Variants in CSMD3 observed in about 807,000 individuals in gnomAD.
CSMD3 encodes the protein CUB and Sushi multiple domains 3, also known as CUB and sushi domain-containing protein 3.
A neutral mutation model predicts 435.2 loss-of-function variants in CSMD3; 177 were observed. The ratio of observed to expected loss-of-function variants is 0.41; its 90% CI spans 0.36 to 0.46. The LOEUF is 0.46. Among genes scored for constraint, CSMD3 ranks in the 20% least tolerant of loss-of-function variants. The pLI is 0.34. For synonymous variants in CSMD3, 1,656 were observed against 1,520.5 expected (o/e 1.09, Z -2.07); for missense variants, 4,265 against 4,504.6 (o/e 0.95, Z 1.52).
chr8:112,732,072 A>ATGTG (rs199657717), intron 13 of CSMD3, among the ~76,000 whole-genome samples: 1 of 151,194 alleles, frequency 6.6e-6, no homozygotes, highest in Admixed American at 6.6e-5. Flanking sequence ...GTGTGTATGT[A>ATGTG]TGTGTGTGTG....
chr8:112,800,616 A>G (rs2078938337), intron 12 of CSMD3, among the ~76,000 whole-genome samples: 1 of 152,144 alleles, frequency 6.6e-6, no homozygotes, highest in African/African-American at 2.4e-5. Context: ...TAACACCACA[A>G]ATATATCTTA....
chr8:112,706,211 C>T (rs1211402010), intron 13 of CSMD3, among the ~76,000 whole-genome samples: 3 of 151,898 alleles, frequency 2.0e-5, no homozygotes, highest in Admixed American at 2.0e-4. Context: ...CACATTCATT[C>T]ATTCATCTAT....
At chr8:113,061,976 A>G (rs1029796771) in intron 5 of CSMD3, among the ~76,000 whole-genome samples, 1 of 151,776 alleles carries the variant, frequency 6.6e-6, no homozygotes, top group Admixed American at 6.6e-5. Flanking sequence ...CCAAGTTGAA[A>G]AAACTTGAGT....
chr8:112,734,417 T>C (rs2077141342), intron 13 of CSMD3, among the ~76,000 whole-genome samples: 1 of 151,890 alleles, frequency 6.6e-6, no homozygotes. Context: ...TTCAGAAGGT[T>C]ACAAAAAAAT....
chr8:112,517,551 A>C (rs1431838646), intron 27 of CSMD3, among the ~76,000 whole-genome samples: 1 of 152,046 alleles, frequency 6.6e-6, no homozygotes, highest in Non-Finnish European at 1.5e-5. Context: ...AGAATATATA[A>C]ACAACTCTCG....
intron 61 of CSMD3, 138 bp downstream of exon 61, chr8:112,263,501 T>A (rs994437463): frequency 2.3e-5 from 16 of 703,812 alleles, no homozygotes; most frequent in East Asian, 8.2e-5. Context: ...CTTAATTACA[T>A]GAAAAGTAGC....
intron 1 of CSMD3, among the ~76,000 whole-genome samples, chr8:113,423,852 A>G (rs1401572589): frequency 6.6e-6 from 1 of 151,900 alleles, no homozygotes; most frequent in Non-Finnish European, 1.5e-5. Context: ...TCCAGCTTCA[A>G]AATGTACTAA....
chr8:113,192,998 G>C (rs751380659), intron 3 of CSMD3, among the ~76,000 whole-genome samples: 3 of 151,440 alleles, frequency 2.0e-5, no homozygotes, highest in Non-Finnish European at 4.4e-5. Context: ...TGATTGCTTT[G>C]TTAAGAGACC....
chr8:113,330,249 C>G (rs1180953179), intron 1 of CSMD3, among the ~76,000 whole-genome samples: 3 of 151,740 alleles, frequency 2.0e-5, no homozygotes, highest in Non-Finnish European at 4.4e-5. Context: ...TTAATCTGAA[C>G]TAGAATGTTG....
At chr8:112,593,006 T>A (rs1244134355) in intron 22 of CSMD3, among the ~76,000 whole-genome samples, 1 of 152,208 alleles carries the variant, frequency 6.6e-6, no homozygotes, top group Non-Finnish European at 1.5e-5. Flanking sequence ...ACTTCATGAC[T>A]GTGTTTTTCT....
At chr8:112,785,540 C>T (rs2078516241) in intron 13 of CSMD3, among the ~76,000 whole-genome samples, 1 of 152,004 alleles carries the variant, frequency 6.6e-6, no homozygotes, top group African/African-American at 2.4e-5. Context: ...CCTGTTAGAA[C>T]TGATTTTAAA....
At chr8:113,134,730 T>C (rs1015793909) in intron 4 of CSMD3, among the ~76,000 whole-genome samples, 2 of 152,066 alleles carry the variant, frequency 1.3e-5, no homozygotes, top group African/African-American at 4.8e-5. Flanking sequence ...GATGTGGTCT[T>C]AGTCTGCTTT....
chr8:112,326,520 C>T (rs368530079), intron 45 of CSMD3, among the ~76,000 whole-genome samples: 7 of 152,166 alleles, frequency 4.6e-5, no homozygotes, highest in African/African-American at 1.4e-4. Context: ...TAGAATAAGG[C>T]CTGAACATAT....
chr8:112,460,163 A>G (rs1002836201), intron 32 of CSMD3, among the ~76,000 whole-genome samples: 1 of 152,076 alleles, frequency 6.6e-6, no homozygotes, highest in African/African-American at 2.4e-5. Flanking sequence ...GTGATCTCCT[A>G]GAGGGCAGGA....
intron 6 of CSMD3, among the ~76,000 whole-genome samples, chr8:113,001,034 T>A (rs542597668): frequency 3.3e-5 from 5 of 152,056 alleles, no homozygotes; most frequent in Admixed American, 6.6e-5. Context: ...TTTTTGGTCA[T>A]AGCAACATTC....
chr8:112,639,253 C>T (rs900416514), intron 20 of CSMD3, among the ~76,000 whole-genome samples: 2 of 151,996 alleles, frequency 1.3e-5, no homozygotes, highest in Non-Finnish European at 2.9e-5. Flanking sequence ...GCAAATACTG[C>T]ACATGCCTCC....
chr8:113,268,233 C>A (rs2093488542), intron 3 of CSMD3, among the ~76,000 whole-genome samples: 1 of 151,886 alleles, frequency 6.6e-6, no homozygotes, highest in East Asian at 1.9e-4. Context: ...CACTCCCCAC[C>A]CTTTGTTCCA....
chr8:113,366,993 G>A (rs895901061), intron 1 of CSMD3, among the ~76,000 whole-genome samples: 1 of 151,882 alleles, frequency 6.6e-6, no homozygotes, highest in Admixed American at 6.6e-5. Flanking sequence ...TTTTAAAACA[G>A]CTTTCAAAAT....
chr8:112,481,904 A>G (rs947842610), intron 31 of CSMD3, among the ~76,000 whole-genome samples: 2 of 152,122 alleles, frequency 1.3e-5, no homozygotes, highest in Non-Finnish European at 2.9e-5. Context: ...CCCTATAACA[A>G]CACATAATTC....
Sources: gnomAD v4.1 joint callset for allele counts (sites outside exome capture counted in the v4.1 genomes callset) on GRCh38, gnomAD v4.1.1 for gene constraint, MANE v1.5 for transcripts, NCBI Gene and HGNC (gene_info 2026-07-23, HGNC 2026-07-21) for gene names.